OLFM1: variants seen among roughly 807,000 people sequenced by gnomAD.
OLFM1 encodes the protein olfactomedin 1, also known as noelin.
In OLFM1, 9 loss-of-function variants were observed where a neutral mutation model predicts 49.7. The ratio of observed to expected loss-of-function variants is 0.18; its 90% CI spans 0.11 to 0.32. The LOEUF (loss-of-function observed/expected upper bound fraction) is 0.32, where lower values mean the gene tolerates loss of function less well. Among genes scored for constraint, OLFM1 ranks in the 10% least tolerant of loss-of-function variants. The pLI is 1.00. For synonymous variants in OLFM1, 240 were observed against 271.8 expected (o/e 0.88, Z 1.15); for missense variants, 369 against 661.8 (o/e 0.56, Z 4.85).
In OLFM1 at chr9:135,119,994, A is replaced by G. The variant is rs1398067200; in HGVS notation, c.1274A>G (p.His425Arg). Residue 425 changes from histidine (H) to arginine (R), a missense_variant, in exon 6 of 6, where the codon CAC becomes CGC. His to Arg is a conservative substitution (Grantham distance 29). Coordinates refer to ENST00000371793, the MANE Select transcript of OLFM1 (RefSeq NM_001282611.2). ...TNGYSGGTKV[H>R]YAYQTNASTY... is the part of the protein sequence containing the mutation. ...GGCTACTCAGGGGGTACCAAGGTCC[A>G]CTATGCATACCAGACCAATGCCTCC... The G allele has an allele frequency of 6.2e-7, 1 of 1,613,686 alleles. No homozygotes were observed. Among genetic ancestry groups the G allele is most frequent in the African/African-American group, 1.3e-5 (1 of 74,924 alleles).
chr9:135,114,070 T>C (rs563842068), intron 5 of OLFM1, among the ~76,000 whole-genome samples: 94 of 151,496 alleles, frequency 6.2e-4, no homozygotes, highest in African/African-American at 2.3e-3. Flanking sequence ...ATAAGGACAC[T>C]TGTCACTGGA....
chr9:135,112,361 T>A (rs1009384741), intron 5 of OLFM1, among the ~76,000 whole-genome samples: 2 of 94,664 alleles, frequency 2.1e-5, no homozygotes, highest in Non-Finnish European at 4.5e-5. Flanking sequence ...TCCCAGAATG[T>A]TCTCTCTGGT....
intron 5 of OLFM1, among the ~76,000 whole-genome samples, chr9:135,108,028 T>C (rs1252916916): frequency 6.6e-6 from 1 of 152,206 alleles, no homozygotes; most frequent in Non-Finnish European, 1.5e-5. Flanking sequence ...GTTGCATGTG[T>C]CTTGATCCCC....
chr9:135,101,585 G>A (rs978652954), intron 4 of OLFM1, among the ~76,000 whole-genome samples: 6 of 152,180 alleles, frequency 3.9e-5, no homozygotes, highest in African/African-American at 9.7e-5. Flanking sequence ...CTCTCCTCTC[G>A]GGCATCCTCT....
At chr9:135,075,893 G>C in intron 1 of OLFM1, 1 of 1,426,970 alleles carries the variant, frequency 7.0e-7, no homozygotes, top group Non-Finnish European at 9.2e-7. Flanking sequence ...CTCTGGCTCC[G>C]CGCCGCCCCG....
Position 135,087,966 on chromosome 9 carries a change from G to T in OLFM1, c.-24G>T. The T allele has an allele frequency of 7.0e-7, 1 of 1,423,160 alleles. No individual in the cohort carries two copies. 88.2% of individuals were successfully genotyped at this position (1,423,160 alleles called of 1,614,324 possible). On this transcript the variant is annotated 5_prime_UTR_variant, in exon 1 of 6. Transcript: ENST00000371793. ...GGGAGCCGGTGCCAGCTCGGAGCGG[G>T]CGCTGGAGGCAGCTCGAGGCGCGAT...
In OLFM1 at chr9:135,106,781, G is replaced by A. The variant is rs986989296; in HGVS notation, c.709G>A (p.Val237Met). 8 of 1,613,588 alleles carry A rather than the reference G, an allele frequency of 5.0e-6. No individual in the cohort carries two copies. Among genetic ancestry groups the A allele is most frequent in the African/African-American group, 4.0e-5 (3 of 74,940 alleles). ...CGKLTGISDP[V>M]TVKTSGSRFG... ...GAAGTTGACGGGCATCAGTGACCCCGTGACTGTCAAGACCTCCGGCTCGAG... is the reference window on the plus strand; with the variant it reads ...GAAGTTGACGGGCATCAGTGACCCCATGACTGTCAAGACCTCCGGCTCGAG... Residue 237 changes from valine to methionine, a missense_variant, in exon 5 of 6, where the codon GTG (valine) becomes ATG (methionine). Val to Met is a conservative substitution (Grantham distance 21). Coordinates refer to ENST00000371793, the MANE Select transcript of OLFM1 (RefSeq NM_001282611.2).
At chr9:135,078,271 G>A (rs1830492541) in intron 1 of OLFM1, among the ~76,000 whole-genome samples, 1 of 152,200 alleles carries the variant, frequency 6.6e-6, no homozygotes, top group African/African-American at 2.4e-5. Context: ...CCACATCCTT[G>A]CTTTTAGCTC....
upstream of OLFM1, among the ~76,000 whole-genome samples, chr9:135,086,185 G>C (rs1202054573): frequency 6.6e-6 from 1 of 152,184 alleles, no homozygotes; most frequent in South Asian, 2.1e-4. Context: ...TTGTGTCTCC[G>C]CCTGGGCCCA....
At position 135,098,938 on chromosome 9, in the gene OLFM1, T is replaced by G. The variant is rs1830835160; in HGVS notation, c.676+433T>G. Among the ~76,000 whole-genome samples the G allele has an allele frequency of 6.6e-6, 1 of 152,136 alleles. No individual in the cohort carries two copies. Among genetic ancestry groups the G allele is most frequent in the Non-Finnish European group, 1.5e-5 (1 of 68,024 alleles). ...AGTTTGAATAAAAAAGGGAACAAAATTCAATCACATCTCAGTAGAGCTGCC... is the reference window on the plus strand; with the variant it reads ...AGTTTGAATAAAAAAGGGAACAAAAGTCAATCACATCTCAGTAGAGCTGCC... On this transcript the variant is annotated intron_variant, in intron 4 of 5. Coordinates refer to ENST00000371793, the MANE Select transcript of OLFM1 (RefSeq NM_001282611.2). The surrounding 1 kb of genome is among the most constrained non-coding windows in gnomAD (Gnocchi z 5.6).
chr9:135,089,111 C>T (rs772869695), intron 1 of OLFM1, among the ~76,000 whole-genome samples: 1 of 152,196 alleles, frequency 6.6e-6, no homozygotes, highest in Non-Finnish European at 1.5e-5. Context: ...GAAGAGGGCT[C>T]CGTGGTGTGG....
chr9:135,080,300 G>A lies in OLFM1; in HGVS notation c.96+4498G>A, dbSNP rs553996271. On this transcript the variant is annotated intron_variant, in intron 1 of 5. Coordinates refer to the OLFM1 transcript ENST00000252854. The surrounding 1 kb of genome is among the most constrained non-coding windows in gnomAD (Gnocchi z 4.5). ...CTGCCCCCTCTGTTTTGGACTTGCT[G>A]GGAGGATACAGTGTTTGTAGAAGGG... Among the ~76,000 whole-genome samples, 27 of 152,048 alleles carry A rather than the reference G, an allele frequency of 1.8e-4. No individual in the cohort carries two copies. The highest frequency in any genetic ancestry group is 3.2e-4 in the Non-Finnish European group (22 of 68,028).
chr9:135,079,096 A>G (rs1194302924), intron 1 of OLFM1, among the ~76,000 whole-genome samples: 3 of 152,206 alleles, frequency 2.0e-5, no homozygotes, highest in African/African-American at 7.2e-5. Flanking sequence ...ATGTTAAGTG[A>G]GTCCAAACCC....
At chr9:135,102,954 G>C (rs1336906603) in intron 4 of OLFM1, among the ~76,000 whole-genome samples, 1 of 152,184 alleles carries the variant, frequency 6.6e-6, no homozygotes, top group Non-Finnish European at 1.5e-5. Context: ...CGTAGAAGTG[G>C]CCTCCTCTTG....
chr9:135,098,620 C>T lies in OLFM1; in HGVS notation c.676+115C>T, dbSNP rs528139467. 2.0e-4 allele frequency: 183 copies of T among 899,106 alleles called. No individual in the cohort carries two copies. The highest frequency in any genetic ancestry group is 3.0e-4 in the Non-Finnish European group (172 of 577,860). 55.7% of individuals were successfully genotyped at this position (899,106 alleles called of 1,614,324 possible). On this transcript the variant is annotated intron_variant, in intron 4 of 5. Coordinates refer to ENST00000371793, the MANE Select transcript of OLFM1 (RefSeq NM_001282611.2). The surrounding 1 kb of genome is among the most constrained non-coding windows in gnomAD (Gnocchi z 5.6). ...CCCGCCTGGCTTCGCGAGGTGATGG[C>T]TGGATTAGGGCTCCTGGGCAGGTCT...
chr9:135,084,880 G>A (rs1830578488), upstream of OLFM1, among the ~76,000 whole-genome samples: 1 of 152,098 alleles, frequency 6.6e-6, no homozygotes, highest in South Asian at 2.1e-4. The surrounding 1 kb of genome is among the most constrained non-coding windows in gnomAD (Gnocchi z 4.6). Flanking sequence ...GTCTGACTGT[G>A]GGTGTTGGTG....
intron 1 of OLFM1, among the ~76,000 whole-genome samples, chr9:135,079,095 G>C (rs183105512): frequency 1.3e-5 from 2 of 152,324 alleles, no homozygotes; most frequent in East Asian, 3.9e-4. Flanking sequence ...AATGTTAAGT[G>C]AGTCCAAACC....
In OLFM1 at chr9:135,076,968, G is replaced by A. The variant is rs544389307; in HGVS notation, c.96+1166G>A. On this transcript the variant is annotated intron_variant, in intron 1 of 5. Coordinates refer to the OLFM1 transcript ENST00000252854. Reference sequence around the variant, plus strand: ...GATGTGCAGTCCAAATCCCAATCCAGCAGTGGGGTTATGTCGTCCCGCTTA... The same window carrying A: ...GATGTGCAGTCCAAATCCCAATCCAACAGTGGGGTTATGTCGTCCCGCTTA... 35 of 1,550,604 alleles carry A rather than the reference G, an allele frequency of 2.3e-5. No homozygotes were observed. The African/African-American group carries it at 4.2e-4, about 19-fold the overall frequency.
intron 2 of OLFM1, among the ~76,000 whole-genome samples, chr9:135,095,616 A>G (rs1830779374): frequency 6.6e-6 from 1 of 151,874 alleles, no homozygotes; most frequent in South Asian, 2.1e-4. Context: ...TACACCCCTG[A>G]TTTGCATCCC....
Sources: allele counts gnomAD v4.1 joint callset (sites outside exome capture counted in the v4.1 genomes callset), GRCh38; gene constraint gnomAD v4.1.1; non-coding constraint Gnocchi (gnomAD v3.1); transcripts MANE v1.5; gene names NCBI Gene and HGNC (gene_info 2026-07-23, HGNC 2026-07-21).